The following KYAT1 variants were observed in gnomAD, a reference collection of about 807,000 sequenced individuals.
KYAT1 encodes kynurenine--oxoglutarate transaminase 1.
KYAT1 carries 47 observed loss-of-function variants against 52.4 expected under a neutral mutation model. The observed-to-expected ratio is 0.90, with a 90% CI of 0.71 to 1.14. The LOEUF is 1.14. Among genes scored for constraint, KYAT1 ranks in the 50% most tolerant of loss-of-function variants. KYAT1 has a pLI of 0.00. For missense variants in KYAT1, 480 were observed against 557.9 expected (o/e 0.86, Z 1.41); for synonymous variants, 212 against 209.6 (o/e 1.01, Z -0.10).
chr9:128,872,537 G>A (rs1312908886), intron 1 of KYAT1, among the ~76,000 whole-genome samples: 1 of 152,092 alleles, frequency 6.6e-6, no homozygotes, highest in East Asian at 1.9e-4. Flanking sequence ...GGAGGCCGAG[G>A]TGGGCGGATC....
intron 3 of KYAT1, among the ~76,000 whole-genome samples, chr9:128,841,109 C>G (rs1047850718): frequency 3.3e-5 from 5 of 152,188 alleles, no homozygotes; most frequent in African/African-American, 4.8e-5. Context: ...CGGTGGCTCA[C>G]GCCTGTAATC....
intron 1 of KYAT1, among the ~76,000 whole-genome samples, chr9:128,876,653 T>G (rs1356467050): frequency 6.6e-6 from 1 of 150,536 alleles, no homozygotes; most frequent in African/African-American, 2.4e-5. Flanking sequence ...TCTCCTGACC[T>G]CGTGATCCGC....
At chr9:128,880,155 G>A (rs1838600828) in intron 1 of KYAT1, among the ~76,000 whole-genome samples, 1 of 152,176 alleles carries the variant, frequency 6.6e-6, no homozygotes, top group Admixed American at 6.5e-5. Flanking sequence ...TTTACAGGCG[G>A]GGACATGGAG....
chr9:128,851,672 C>A (rs1373860886), intron 1 of KYAT1, among the ~76,000 whole-genome samples: 2 of 152,184 alleles, frequency 1.3e-5, no homozygotes, highest in African/African-American at 4.8e-5. Flanking sequence ...AAGAAGATAG[C>A]ATTTCAGTTT....
chr9:128,875,637 AAT>A (rs1826644479), intron 1 of KYAT1, among the ~76,000 whole-genome samples: 1 of 151,966 alleles, frequency 6.6e-6, no homozygotes, highest in Non-Finnish European at 1.5e-5. Flanking sequence ...AAAAAAAAAA[AAT>A]GTGTGGGATA....
chr9:128,848,548 T>C (rs889616829), intron 1 of KYAT1, among the ~76,000 whole-genome samples: 1 of 152,128 alleles, frequency 6.6e-6, no homozygotes, highest in Non-Finnish European at 1.5e-5. Context: ...CCAGGCATGG[T>C]GGCTCACGCC....
chr9:128,866,442 T>C (rs1013999068), intron 1 of KYAT1, among the ~76,000 whole-genome samples: 6 of 133,900 alleles, frequency 4.5e-5, no homozygotes, highest in African/African-American at 1.4e-4. Context: ...TCTACTAAAA[T>C]ACAAAAATTA....
At chr9:128,837,646 A>G (rs1375784995) in intron 6 of KYAT1, 39 bp downstream of exon 6, 2 of 1,612,032 alleles carry the variant, frequency 1.2e-6, no homozygotes, top group Non-Finnish European at 1.7e-6. Flanking sequence ...AGACATGACC[A>G]GGTCCGCAGG....
rs1439521894 is a variant in KYAT1 at position 128,847,948 on chromosome 9, C to T, written c.-6-2537G>A. Among the ~76,000 whole-genome samples, 4 of 152,100 alleles carry T rather than the reference C, an allele frequency of 2.6e-5. No individual in the cohort carries two copies. The East Asian group carries it at 7.7e-4, about 29-fold the overall frequency. On this transcript the variant is annotated intron_variant, in intron 1 of 12. Transcript: ENST00000302586. ...CAAATTATTCCTGCTGTAAAAGTGG[C>T]CCTAAATTAGATCACACTGTTGAAT...
At chr9:128,862,771 A>T (rs1835634214) in intron 1 of KYAT1, among the ~76,000 whole-genome samples, 1 of 152,176 alleles carries the variant, frequency 6.6e-6, no homozygotes, top group Admixed American at 6.6e-5. Flanking sequence ...CTGGCAGTGC[A>T]TCGGGCCTAT....
chr9:128,877,011 A>C (rs1838142258), intron 1 of KYAT1, among the ~76,000 whole-genome samples: 1 of 150,400 alleles, frequency 6.6e-6, no homozygotes, highest in South Asian at 2.1e-4. Context: ...TGATTCTCCC[A>C]CCTCAGCCTC....
At position 128,835,868 on chromosome 9, in the gene KYAT1, C is replaced by A. The variant is rs1830990489; in HGVS notation, c.766G>T (p.Val256Leu). 3 of 1,614,036 alleles carry A rather than the reference C, an allele frequency of 1.9e-6. No individual in the cohort carries two copies. The highest frequency in any genetic ancestry group is 1.3e-5 in the African/African-American group (1 of 74,934). The change falls in exon 9 of 13, where the codon GTG (valine) becomes TTG (leucine). Residue 256 changes from valine (V) to leucine (L), a missense_variant and splice_region_variant. Transcript: ENST00000302586. ...TGATCTGGACCCAGGACCCAGCCCA[C>A]CTGCAGCAGGGGCGCAGGTAGGGGG... ...GKTFSATGWKVGWVLGPDHIM... is the reference protein window; with the variant it reads ...GKTFSATGWKLGWVLGPDHIM...
chr9:128,850,258 C>A (rs570761342), intron 1 of KYAT1, among the ~76,000 whole-genome samples: 68 of 152,110 alleles, frequency 4.5e-4, no homozygotes, highest in Non-Finnish European at 6.9e-4. Flanking sequence ...AAAGAGAGAT[C>A]AGACTGTTAC....
chr9:128,876,314 T>A (rs1838017707), intron 1 of KYAT1, among the ~76,000 whole-genome samples: 1 of 151,366 alleles, frequency 6.6e-6, no homozygotes. Flanking sequence ...CTTGAACTCC[T>A]GGGCTCAAGT....
chr9:128,859,651 ATTT>A (rs1216908299), intron 1 of KYAT1, among the ~76,000 whole-genome samples: 1 of 136,878 alleles, frequency 7.3e-6, no homozygotes, highest in Non-Finnish European at 1.6e-5. Flanking sequence ...TTGCCCAGCC[ATTT>A]TTTTTTTTTT....
At chr9:128,869,087 G>T in intron 1 of KYAT1, among the ~76,000 whole-genome samples, 1 of 152,006 alleles carries the variant, frequency 6.6e-6, no homozygotes, top group Middle Eastern at 3.2e-3. Context: ...CAATACAAAG[G>T]CCTTGGCCTC....
intron 1 of KYAT1, among the ~76,000 whole-genome samples, chr9:128,874,132 T>G (rs1837626655): frequency 6.6e-6 from 1 of 150,962 alleles, no homozygotes; most frequent in South Asian, 2.1e-4. Flanking sequence ...GGCGGGCGCC[T>G]GTGATCCCAG....
chr9:128,846,627 A>ATT, intron 1 of KYAT1: 1 of 1,019,054 alleles, frequency 9.8e-7, no homozygotes, highest in Non-Finnish European at 1.4e-6. Flanking sequence ...AAAAAAAAAG[A>ATT]AAGAAAGAAA....
chr9:128,872,001 C>T (rs897949107), intron 1 of KYAT1, among the ~76,000 whole-genome samples: 15 of 151,238 alleles, frequency 9.9e-5, no homozygotes, highest in South Asian at 4.2e-4. Context: ...TAGTGGCACA[C>T]GCCTGTAGTC....
Sources: gnomAD v4.1 joint callset for allele counts (sites outside exome capture counted in the v4.1 genomes callset) on GRCh38, gnomAD v4.1.1 for gene constraint, MANE v1.5 for transcripts, NCBI Gene and HGNC (gene_info 2026-07-23, HGNC 2026-07-21) for gene names.